ZMAT4: variants seen among roughly 807,000 people sequenced by gnomAD.
The protein encoded by ZMAT4 is zinc finger matrin-type 4, also known as zinc finger matrin-type protein 4.
A neutral mutation model predicts 28.7 loss-of-function variants in ZMAT4; 17 were observed. The ratio of observed to expected loss-of-function variants is 0.59; its 90% CI spans 0.41 to 0.89. The LOEUF (loss-of-function observed/expected upper bound fraction) is 0.89. ZMAT4 is among the 40% of genes least tolerant of loss of function. ZMAT4 has a pLI of 0.00. For missense variants in ZMAT4, 240 were observed against 283.8 expected (o/e 0.85, Z 1.11); for synonymous variants, 117 against 109.2 (o/e 1.07, Z -0.44).
At position 40,881,424 on chromosome 8, in the gene ZMAT4, GAAGAAAGAGAGA is replaced by G. The variant is rs1193447891; in HGVS notation, c.-5+16247_-5+16258del. Among the ~76,000 whole-genome samples, 56 of 71,218 alleles carry G rather than the reference GAAGAAAGAGAGA, an allele frequency of 7.9e-4. 1 individual carries two copies. In the East Asian group the frequency reaches 0.02, roughly 25 times the overall value. The allele number at this position is 71,218 out of a possible 152,430, so 46.7% of individuals were successfully genotyped here. The stretch of plus-strand genomic sequence containing the variant: ...AGAGAGAGAAAGAAAGGAAGAAAAA[GAAGAAAGAGAGA>G]AAGAAAGAAAGAAAGAAAGAAAGAA... On this transcript the variant is annotated intron_variant, in intron 1 of 6. Coordinates refer to ENST00000297737, the MANE Select transcript of ZMAT4 (RefSeq NM_024645.3).
intron 3 of ZMAT4, among the ~76,000 whole-genome samples, chr8:40,766,464 A>G (rs1586017975): frequency 6.6e-6 from 1 of 152,168 alleles, no homozygotes; most frequent in Admixed American, 6.5e-5. Flanking sequence ...TGGGCCTTCA[A>G]GAGATCAATT....
intron 5 of ZMAT4, among the ~76,000 whole-genome samples, chr8:40,651,653 C>A (rs1019247186): frequency 5.9e-5 from 9 of 151,404 alleles, no homozygotes; most frequent in African/African-American, 2.2e-4. Flanking sequence ...AAGCTGGAGG[C>A]ATCACACTAC....
chr8:40,599,762 G>A (rs1214218948), intron 5 of ZMAT4, among the ~76,000 whole-genome samples: 1 of 152,246 alleles, frequency 6.6e-6, no homozygotes, highest in Non-Finnish European at 1.5e-5. Context: ...GACACACGAG[G>A]GAGGGGTCTG....
At chr8:40,783,176 G>A (rs1284183013) in intron 2 of ZMAT4, among the ~76,000 whole-genome samples, 1 of 152,190 alleles carries the variant, frequency 6.6e-6, no homozygotes, top group African/African-American at 2.4e-5. Context: ...ACTGATGAAT[G>A]GATTTTAAAA....
At chr8:40,547,066 A>T (rs893137921) in intron 6 of ZMAT4, among the ~76,000 whole-genome samples, 5 of 152,206 alleles carry the variant, frequency 3.3e-5, no homozygotes, top group African/African-American at 1.2e-4. Context: ...ATTAACTCCC[A>T]TTTCGGAATG....
intron 6 of ZMAT4, among the ~76,000 whole-genome samples, chr8:40,568,660 T>A (rs1387443441): frequency 6.6e-6 from 1 of 152,174 alleles, no homozygotes; most frequent in Non-Finnish European, 1.5e-5. Flanking sequence ...CTCACTATAG[T>A]CAGTTTGGGT....
At chr8:40,616,537 C>G (rs1170594630) in intron 5 of ZMAT4, among the ~76,000 whole-genome samples, 1 of 152,100 alleles carries the variant, frequency 6.6e-6, no homozygotes, top group Non-Finnish European at 1.5e-5. Flanking sequence ...ACATATACAC[C>G]ATGGAATACT....
At chr8:40,775,965 C>A (rs1226005808) in intron 2 of ZMAT4, among the ~76,000 whole-genome samples, 2 of 152,152 alleles carry the variant, frequency 1.3e-5, no homozygotes, top group Non-Finnish European at 2.9e-5. Context: ...AGCAAGAAGG[C>A]GGCTGTCTAC....
chr8:40,842,862 G>A (rs181950556), intron 1 of ZMAT4, among the ~76,000 whole-genome samples: 11 of 152,224 alleles, frequency 7.2e-5, no homozygotes, highest in South Asian at 6.2e-4. Flanking sequence ...TGCAATCTCC[G>A]CCCCCGAGGT....
At chr8:40,618,539 A>G (rs1369681594) in intron 5 of ZMAT4, among the ~76,000 whole-genome samples, 1 of 152,238 alleles carries the variant, frequency 6.6e-6, no homozygotes, top group Non-Finnish European at 1.5e-5. Context: ...AGTATTTAGT[A>G]CAAGGTTTTT....
chr8:40,556,014 A>T (rs180952355), intron 6 of ZMAT4, among the ~76,000 whole-genome samples: 18 of 152,146 alleles, frequency 1.2e-4, no homozygotes, highest in African/African-American at 4.1e-4. Context: ...ATGGTCCCCC[A>T]CCTTAAAACT....
chr8:40,692,205 T>G (rs1809693965), intron 4 of ZMAT4, among the ~76,000 whole-genome samples: 1 of 152,202 alleles, frequency 6.6e-6, no homozygotes, highest in Admixed American at 6.5e-5. Context: ...CACCTCAGAA[T>G]GGTTCTCTAT....
chr8:40,627,685 G>C (rs1198604625), intron 5 of ZMAT4, among the ~76,000 whole-genome samples: 1 of 152,130 alleles, frequency 6.6e-6, no homozygotes, highest in Non-Finnish European at 1.5e-5. Flanking sequence ...TTTCATATTT[G>C]AGTTATTTCA....
intron 3 of ZMAT4, among the ~76,000 whole-genome samples, chr8:40,729,710 T>C (rs1811457172): frequency 6.6e-6 from 1 of 151,964 alleles, no homozygotes; most frequent in African/African-American, 2.4e-5. Flanking sequence ...ATGATTCTCC[T>C]GCCTCAGCCT....
Position 40,831,593 on chromosome 8 carries a change from G to C in ZMAT4, c.-4-5913C>G, listed in dbSNP as rs563535833. On this transcript the variant is annotated intron_variant, in intron 1 of 6. Coordinates refer to ENST00000297737, the MANE Select transcript of ZMAT4 (RefSeq NM_024645.3). ...ACCAGGTGAGCATCCTTCTGTTACA[G>C]ATTTGGGCTATTTCCCTACAAAGCT... 2.6e-5 allele frequency among the ~76,000 whole-genome samples: 4 copies of C among 152,306 alleles called. No individual in the cohort carries two copies. In the South Asian group the frequency reaches 8.3e-4, roughly 32 times the overall value.
At chr8:40,538,053 T>TA (rs1023544908) in intron 6 of ZMAT4, among the ~76,000 whole-genome samples, 1 of 152,136 alleles carries the variant, frequency 6.6e-6, no homozygotes, top group Non-Finnish European at 1.5e-5. Context: ...AAATTTAACC[T>TA]AAGAAACTGT....
chr8:40,800,758 G>A (rs1586073125), intron 2 of ZMAT4, among the ~76,000 whole-genome samples: 2 of 152,102 alleles, frequency 1.3e-5, no homozygotes, highest in Middle Eastern at 3.4e-3. Flanking sequence ...AGTGTTTAAA[G>A]CAAAATTCAT....
Position 40,531,671 on chromosome 8 carries a change from A to G in ZMAT4, c.*552T>C, listed in dbSNP as rs1348075469. Reference sequence around the variant, plus strand: ...CCTTCGTCTTCATTGTTCAGATGGTAAACCTGGCTCCTGTGCTTGGAGAAC... The same window carrying G: ...CCTTCGTCTTCATTGTTCAGATGGTGAACCTGGCTCCTGTGCTTGGAGAAC... On this transcript the variant is annotated 3_prime_UTR_variant, in exon 7 of 7. Coordinates refer to ENST00000297737, the MANE Select transcript of ZMAT4 (RefSeq NM_024645.3). The G allele has an allele frequency of 6.6e-6, 1 of 152,512 alleles. No homozygotes were observed. Among genetic ancestry groups the G allele is most frequent in the Non-Finnish European group, 1.5e-5 (1 of 68,062 alleles). 9.4% of individuals were successfully genotyped at this position (152,512 alleles called of 1,614,324 possible). A position where few individuals can be genotyped will look rare whatever the true frequency, so the allele number is the denominator to read the frequency against.
intron 1 of ZMAT4, among the ~76,000 whole-genome samples, chr8:40,887,725 C>T (rs1456263028): frequency 6.6e-6 from 1 of 152,112 alleles, no homozygotes; most frequent in Non-Finnish European, 1.5e-5. Context: ...GGGGAAAGAA[C>T]AGGTATGAGA....
Sources: gnomAD v4.1 joint callset for allele counts (sites outside exome capture counted in the v4.1 genomes callset) on GRCh38, gnomAD v4.1.1 for gene constraint, MANE v1.5 for transcripts, NCBI Gene and HGNC (gene_info 2026-07-23, HGNC 2026-07-21) for gene names.